The following CACNA2D3 variants were observed in gnomAD, a reference collection of about 807,000 sequenced individuals.
The protein encoded by CACNA2D3 is voltage-dependent calcium channel subunit alpha-2/delta-3.
Under a neutral mutation model 160.6 loss-of-function variants are expected in CACNA2D3, and 60 were observed. The ratio of observed to expected loss-of-function variants is 0.37; its 90% CI spans 0.30 to 0.46. The LOEUF (loss-of-function observed/expected upper bound fraction) is 0.46, where lower values mean the gene tolerates loss of function less well. CACNA2D3 is among the 20% of genes least tolerant of loss of function. The pLI is 1.00. For missense variants in CACNA2D3, 1,205 were observed against 1,365.0 expected (o/e 0.88, Z 1.85); for synonymous variants, 558 against 492.9 (o/e 1.13, Z -1.75).
At chr3:54,245,636 C>G (rs75591103) in intron 2 of CACNA2D3, among the ~76,000 whole-genome samples, 1,942 of 152,244 alleles carry the variant, frequency 0.013, 36 homozygotes, top group African/African-American at 0.043. Flanking sequence ...CAGTTGTTGC[C>G]TGGTATAATG....
intron 24 of CACNA2D3, 49 bp downstream of exon 24, chr3:54,888,101 C>G (rs1699968640): frequency 7.5e-7 from 1 of 1,325,128 alleles, no homozygotes; most frequent in Admixed American, 1.7e-5. Flanking sequence ...CTCACCAACA[C>G]TCCGAAATAT....
chr3:54,141,094 C>CGCGCGCGCGCGCACGTGCGCGT (rs768348036), intron 2 of CACNA2D3, among the ~76,000 whole-genome samples: 1 of 81,892 alleles, frequency 1.2e-5, no homozygotes, highest in African/African-American at 3.8e-5. Flanking sequence ...TGTGCGCGCG[C>CGCGCGCGCGCGCACGTGCGCGT]GCGCGTGTGT....
intron 4 of CACNA2D3, among the ~76,000 whole-genome samples, chr3:54,401,584 G>T (rs974298193): frequency 2.0e-5 from 3 of 152,152 alleles, no homozygotes; most frequent in Admixed American, 2.0e-4. Flanking sequence ...AGCCAGGAGA[G>T]AAAGGGATGA....
chr3:54,875,262 G>A (rs1336472891), intron 18 of CACNA2D3: 1 of 151,892 alleles, frequency 6.6e-6, no homozygotes, highest in Non-Finnish European at 1.5e-5. Context: ...AACCCAAACT[G>A]ACACATAGGG....
At chr3:54,978,483 G>A (rs73845238) in intron 29 of CACNA2D3, among the ~76,000 whole-genome samples, 3,709 of 152,278 alleles carry the variant, frequency 0.024, 160 homozygotes, top group African/African-American at 0.085. Flanking sequence ...TCATGACTCC[G>A]AGTTCTGACA....
At chr3:54,240,358 C>T (rs898005090) in intron 2 of CACNA2D3, among the ~76,000 whole-genome samples, 1 of 152,136 alleles carries the variant, frequency 6.6e-6, no homozygotes, top group African/African-American at 2.4e-5. Context: ...AAGTCTGTTT[C>T]CTTCCAACCT....
rs1202493919 is a variant in CACNA2D3 at position 54,776,571 on chromosome 3, TAAC to T, written c.1380+12229_1380+12231del. Among the ~76,000 whole-genome samples, 4 of 151,966 alleles carry T rather than the reference TAAC, an allele frequency of 2.6e-5. No homozygotes were observed. The South Asian group carries it at 8.3e-4, about 32-fold the overall frequency. On this transcript the variant is annotated intron_variant, in intron 13 of 37. Transcript: ENST00000474759. Reference sequence around the variant, plus strand: ...AAGACAAAACAACAAAACAAAACAGTAACAACAACAAAAGAGGCCTGGATAGGA... The same window carrying T: ...AAGACAAAACAACAAAACAAAACAGTAACAACAAAAGAGGCCTGGATAGGA...
intron 3 of CACNA2D3, among the ~76,000 whole-genome samples, chr3:54,354,697 A>C (rs1000424212): frequency 1.3e-5 from 2 of 152,198 alleles, no homozygotes; most frequent in Non-Finnish European, 2.9e-5. Flanking sequence ...TTGTCATTCT[A>C]CCTCGAGGCT....
chr3:54,520,708 T>G (rs1701634586), intron 5 of CACNA2D3, among the ~76,000 whole-genome samples: 8 of 152,230 alleles, frequency 5.3e-5, no homozygotes, highest in Admixed American at 5.2e-4. Context: ...CACCATTACA[T>G]TTTAGAGCAT....
chr3:54,131,708 G>A (rs1296792256), intron 2 of CACNA2D3, among the ~76,000 whole-genome samples: 1 of 152,042 alleles, frequency 6.6e-6, no homozygotes, highest in Admixed American at 6.5e-5. Flanking sequence ...CATTTAGTGT[G>A]GCAGGGGCAC....
chr3:54,417,794 GT>G (rs1380891024), intron 4 of CACNA2D3, among the ~76,000 whole-genome samples: 3 of 115,576 alleles, frequency 2.6e-5, no homozygotes, highest in African/African-American at 1.1e-4. Context: ...ATCTGTGTGT[GT>G]GGGGGGGGGG....
At chr3:54,330,083 A>G (rs1175102918) in intron 3 of CACNA2D3, among the ~76,000 whole-genome samples, 1 of 152,188 alleles carries the variant, frequency 6.6e-6, no homozygotes, top group African/African-American at 2.4e-5. Flanking sequence ...TCTTTGTTAA[A>G]AATCAGCTGG....
intron 30 of CACNA2D3, among the ~76,000 whole-genome samples, chr3:54,987,407 T>C (rs1334015808): frequency 6.6e-6 from 1 of 152,208 alleles, no homozygotes. Flanking sequence ...GGGGTATGTG[T>C]GTGTGCACAT....
chr3:54,515,549 C>G lies in CACNA2D3; in HGVS notation c.544+11895C>G, dbSNP rs115047441. ...CCAACAGTAGTTTTGTTAGAGGTAG[C>G]AGAACGCCCAAGTAAGTTGTTTCTG... On this transcript the variant is annotated intron_variant, in intron 5 of 37. Transcript: ENST00000474759. 7.6e-3 allele frequency among the ~76,000 whole-genome samples: 1,159 copies of G among 152,310 alleles called. 11 individuals are homozygous for G. Among genetic ancestry groups the G allele is most frequent in the African/African-American group, 0.025 (1,051 of 41,552 alleles).
intron 31 of CACNA2D3, among the ~76,000 whole-genome samples, chr3:54,995,718 C>G (rs765647502): frequency 6.6e-6 from 1 of 152,180 alleles, no homozygotes; most frequent in South Asian, 2.1e-4. Context: ...TACAAAGGAA[C>G]CTGGGAAATG....
chr3:54,398,227 G>T (rs1699391041), intron 4 of CACNA2D3, among the ~76,000 whole-genome samples: 1 of 127,778 alleles, frequency 7.8e-6, no homozygotes, highest in African/African-American at 3.0e-5. Flanking sequence ...ACGTGAGATG[G>T]GTTTCCTGAA....
chr3:54,344,499 A>G (rs1698421946), intron 3 of CACNA2D3, among the ~76,000 whole-genome samples: 2 of 152,234 alleles, frequency 1.3e-5, no homozygotes, highest in African/African-American at 4.8e-5. Context: ...GAAATCATTT[A>G]TCCCCATACA....
At chr3:54,734,664 G>T (rs1330273891) in intron 11 of CACNA2D3, among the ~76,000 whole-genome samples, 1 of 152,174 alleles carries the variant, frequency 6.6e-6, no homozygotes, top group Non-Finnish European at 1.5e-5. Context: ...AACTCACAAA[G>T]ACCATCTGAC....
At chr3:54,320,356 T>G in intron 2 of CACNA2D3, 86 bp from the exon 3 acceptor site, 2 of 584,126 alleles carry the variant, frequency 3.4e-6, no homozygotes, top group Non-Finnish European at 5.9e-6. Context: ...TCTTTATTTA[T>G]TCCTTGTGGG....
Sources: allele counts gnomAD v4.1 joint callset (sites outside exome capture counted in the v4.1 genomes callset), GRCh38; gene constraint gnomAD v4.1.1; transcripts MANE v1.5; gene names NCBI Gene and HGNC (gene_info 2026-07-23, HGNC 2026-07-21).